MAP3K4: variants seen among roughly 807,000 people sequenced by gnomAD.
The protein encoded by MAP3K4 is mitogen-activated protein kinase kinase kinase 4.
A neutral mutation model predicts 185.6 loss-of-function variants in MAP3K4; 67 were observed. The observed-to-expected ratio is 0.36, with a 90% confidence interval of 0.30 to 0.44. The LOEUF is 0.44. Ranked by LOEUF, MAP3K4 falls within the 20% of genes least tolerant of loss-of-function variation. The pLI is 1.00. For synonymous variants in MAP3K4, 702 were observed against 710.4 expected (o/e 0.99, Z 0.19); for missense variants, 1,551 against 1,995.1 (o/e 0.78, Z 4.24).
At position 161,073,372 on chromosome 6, in the gene MAP3K4, C is replaced by CT; in HGVS notation, c.1951-93dup. On this transcript the variant is annotated intron_variant, in intron 4 of 26. Transcript: ENST00000392142. This position sits in a 1 kb window ranked among gnomAD's most constrained non-coding sequence, Gnocchi z 4.2. ...AGGTTTTTTAGAGGCAAGGTTCCCT[C>CT]TGAGTTTTTTGAAGATTTAAGTAGG... is the stretch of plus-strand genomic sequence containing the variant. 2 of 1,291,004 alleles carry CT rather than the reference C, an allele frequency of 1.5e-6. No individual in the cohort carries two copies. Among genetic ancestry groups the CT allele is most frequent in the Non-Finnish European group, 2.1e-6 (2 of 964,642 alleles). 80.0% of individuals were successfully genotyped at this position (1,291,004 alleles called of 1,614,324 possible).
intron 3 of MAP3K4, among the ~76,000 whole-genome samples, chr6:161,069,397 G>A (rs553620151): frequency 6.6e-6 from 1 of 152,140 alleles, no homozygotes; most frequent in Non-Finnish European, 1.5e-5. Context: ...ATAAAGAGGC[G>A]AGCATTTCCA....
rs1783074068 is a variant in MAP3K4, at chr6:161,034,527, A to G, written c.343+78A>G. On this transcript the variant is annotated intron_variant, in intron 2 of 26. Transcript: ENST00000392142. The surrounding 1 kb of genome is among the most constrained non-coding windows in gnomAD (Gnocchi z 4.4). ...GATTCTTTCAACAATAAAGTTAGCA[A>G]TTTCTTTTATTTTTAATTTGATTTT... 4.2e-6 allele frequency: 5 copies of G among 1,187,258 alleles called. No homozygotes were observed. The highest frequency in any genetic ancestry group is 3.2e-5 in the African/African-American group (2 of 63,382). The allele number at this position is 1,187,258 out of a possible 1,614,324, so 73.5% of individuals were successfully genotyped here.
chr6:161,012,287 C>G (rs1583106071), intron 1 of MAP3K4, among the ~76,000 whole-genome samples: 3 of 152,142 alleles, frequency 2.0e-5, no homozygotes, highest in African/African-American at 7.2e-5. Flanking sequence ...TGGGTCGGTT[C>G]CTATGCGTCA....
At position 161,073,721 on chromosome 6, in the gene MAP3K4, A is replaced by C; in HGVS notation, c.2097+109A>C. On this transcript the variant is annotated intron_variant, in intron 5 of 26. Coordinates refer to ENST00000392142, the MANE Select transcript of MAP3K4 (RefSeq NM_005922.4). This position sits in a 1 kb window ranked among gnomAD's most constrained non-coding sequence, Gnocchi z 4.2. ...ACAGCGTTGGCATACATATTCAGAT[A>C]AACTTCTCTAGTAATGAATTATAGA... The C allele has an allele frequency of 9.0e-7, 1 of 1,108,250 alleles. No homozygotes were observed. Among genetic ancestry groups the C allele is most frequent in the East Asian group, 2.6e-5 (1 of 38,390 alleles). The allele number at this position is 1,108,250 out of a possible 1,614,324, so 68.7% of individuals were successfully genotyped here. A position where few individuals can be genotyped will look rare whatever the true frequency, so the allele number is the denominator to read the frequency against.
At position 161,109,890 on chromosome 6, in the gene MAP3K4, G is replaced by A; in HGVS notation, c.4372G>A (p.Gly1458Ser). 1 of 1,614,052 alleles carries A rather than the reference G, an allele frequency of 6.2e-7. No homozygotes were observed. Among genetic ancestry groups the A allele is most frequent in the Non-Finnish European group, 8.5e-7 (1 of 1,180,010 alleles). ...TGCGATCAACGTCCTCCATGAGCAT[G>A]GCATAGTCCACCGTGACATTAAAGG... ...TIAINVLHEHGIVHRDIKGAN... is the reference protein window; with the variant it reads ...TIAINVLHEHSIVHRDIKGAN... Residue 1458 changes from glycine (G) to serine (S), a missense_variant, in exon 23 of 27, where the codon GGC becomes AGC. Gly to Ser is a moderately conservative substitution (Grantham distance 56). Around this residue, in one of 16 missense-constraint regions of MAP3K4, gnomAD observed 159 missense variants for 300.5 expected, o/e 0.53. Transcript: ENST00000392142. This position sits in a 1 kb window ranked among gnomAD's most constrained non-coding sequence, Gnocchi z 5.7.
intron 3 of MAP3K4, among the ~76,000 whole-genome samples, chr6:161,065,869 C>T (rs1286111730): frequency 2.3e-5 from 3 of 130,842 alleles, no homozygotes; most frequent in Non-Finnish European, 3.1e-5. Flanking sequence ...ACCCGGGAGG[C>T]GGAGCTTGCA....
At chr6:161,027,031 A>G (rs1397170492) in intron 1 of MAP3K4, among the ~76,000 whole-genome samples, 1 of 152,098 alleles carries the variant, frequency 6.6e-6, no homozygotes, top group Non-Finnish European at 1.5e-5. Context: ...AATATGCTAT[A>G]TAAATCTATG....
intron 2 of MAP3K4, among the ~76,000 whole-genome samples, chr6:161,046,977 G>C (rs1783755864): frequency 6.8e-6 from 1 of 146,548 alleles, no homozygotes; most frequent in Non-Finnish European, 1.5e-5. Context: ...TAGTATATAA[G>C]AAATATATAC....
At chr6:161,069,411 G>A (rs1237723865) in intron 3 of MAP3K4, among the ~76,000 whole-genome samples, 1 of 152,152 alleles carries the variant, frequency 6.6e-6, no homozygotes. Context: ...ATTTCCAGGT[G>A]GGGAGGCAGC....
intron 15 of MAP3K4, among the ~76,000 whole-genome samples, chr6:161,094,672 C>A (rs901342302): frequency 3.3e-5 from 5 of 152,152 alleles, no homozygotes; most frequent in African/African-American, 4.8e-5. Flanking sequence ...TTGCTGGCTG[C>A]AGAAAATTCA....
At chr6:161,006,377 A>G (rs780202028) in intron 1 of MAP3K4, among the ~76,000 whole-genome samples, 13 of 152,246 alleles carry the variant, frequency 8.5e-5, no homozygotes, top group South Asian at 2.1e-4. Context: ...TGTGCTGAAC[A>G]CGTACAGACT....
chr6:161,054,204 G>C lies in MAP3K4; in HGVS notation c.1707+4225G>C, dbSNP rs958904960. 2.0e-5 allele frequency among the ~76,000 whole-genome samples: 3 copies of C among 152,116 alleles called. No homozygotes were observed. The highest frequency in any genetic ancestry group is 4.4e-5 in the Non-Finnish European group (3 of 68,028). On this transcript the variant is annotated intron_variant, in intron 3 of 26. Transcript: ENST00000392142. The surrounding 1 kb of genome is among the most constrained non-coding windows in gnomAD (Gnocchi z 4.2). ...AGTTTCGCTCTTGTTGCCCAGGCTGGAGTGCAATGGCGCTATCTCAGCTCC... is the reference window on the plus strand; with the variant it reads ...AGTTTCGCTCTTGTTGCCCAGGCTGCAGTGCAATGGCGCTATCTCAGCTCC...
intron 1 of MAP3K4, among the ~76,000 whole-genome samples, chr6:161,019,890 T>C (rs942668496): frequency 6.6e-6 from 1 of 152,202 alleles, no homozygotes; most frequent in Non-Finnish European, 1.5e-5. Flanking sequence ...TTTTGTAGGG[T>C]ATATGGAGGC....
rs182739930 is a variant in MAP3K4 at position 161,053,682 on chromosome 6, C to T, written c.1707+3703C>T. Among the ~76,000 whole-genome samples the T allele has an allele frequency of 6.6e-6, 1 of 150,478 alleles. No homozygotes were observed. Among genetic ancestry groups the T allele is most frequent in the Admixed American group, 6.6e-5 (1 of 15,156 alleles). ...TCTCGGCTCACTGCAACCTCTGTCT[C>T]CCGGGTTCAGGCAATTCTCCTGTCT... On this transcript the variant is annotated intron_variant, in intron 3 of 26. Transcript: ENST00000392142. This position sits in a 1 kb window ranked among gnomAD's most constrained non-coding sequence, Gnocchi z 4.2.
At chr6:160,992,390 G>C (rs1200929365) in intron 1 of MAP3K4, 2 of 436,274 alleles carry the variant, frequency 4.6e-6, no homozygotes, top group African/African-American at 4.2e-5. Flanking sequence ...GAGTGCGGCT[G>C]CCTCCCCTGC....
At chr6:161,006,391 T>G (rs755114706) in intron 1 of MAP3K4, among the ~76,000 whole-genome samples, 1 of 152,256 alleles carries the variant, frequency 6.6e-6, no homozygotes, top group African/African-American at 2.4e-5. Context: ...ACAGACTTTT[T>G]TATTCTTGTT....
chr6:160,992,353 C>G lies in MAP3K4; in HGVS notation c.152+270C>G, dbSNP rs932265544. On this transcript the variant is annotated intron_variant, in intron 1 of 26. Transcript: ENST00000392142. ...TTCCCTTGTAGACTCCCCCAGCTCA[C>G]CCTCAACGTTGCGGGGGCTGGGAGC... 6 of 492,486 alleles carry G rather than the reference C, an allele frequency of 1.2e-5. No homozygotes were observed. The Admixed American group carries it at 1.7e-4, about 14-fold the overall frequency. The allele number at this position is 492,486 out of a possible 1,614,324, so 30.5% of individuals were successfully genotyped here.
At chr6:160,999,349 A>T (rs370460367) in intron 1 of MAP3K4, among the ~76,000 whole-genome samples, 2 of 152,218 alleles carry the variant, frequency 1.3e-5, no homozygotes, top group Non-Finnish European at 1.5e-5. Flanking sequence ...TTAAAATCCT[A>T]AAGTCTTTTT....
At chr6:161,041,926 C>A (rs11756924) in intron 2 of MAP3K4, among the ~76,000 whole-genome samples, 2 of 45,182 alleles carry the variant, frequency 4.4e-5, no homozygotes, top group African/African-American at 6.4e-5. Flanking sequence ...TTTTTTTTTT[C>A]TTTTTTTTTT....
Sources: allele counts gnomAD v4.1 joint callset (sites outside exome capture counted in the v4.1 genomes callset), GRCh38; gene constraint gnomAD v4.1.1; regional missense constraint gnomAD v4.1.1; non-coding constraint Gnocchi (gnomAD v3.1); transcripts MANE v1.5; gene names NCBI Gene and HGNC (gene_info 2026-07-23, HGNC 2026-07-21).